ABCA7: variants seen among roughly 807,000 people sequenced by gnomAD.
The protein encoded by ABCA7 is phospholipid-transporting ATPase ABCA7.
ABCA7 carries 261 observed loss-of-function variants against 227.6 expected under a neutral mutation model. The observed-to-expected ratio is 1.15, with a 90% CI of 1.04 to 1.27. ABCA7 has a LOEUF of 1.27. Among genes scored for constraint, ABCA7 ranks in the 50% most tolerant of loss-of-function variants. ABCA7 has a pLI of 0.00. For synonymous variants in ABCA7, 1,488 were observed against 1,279.7 expected (o/e 1.16, Z -3.47); for missense variants, 3,331 against 2,924.5 (o/e 1.14, Z -3.21).
In ABCA7 at chr19:1,061,794, C is replaced by T; in HGVS notation, c.5476C>T (p.Leu1826=). ...GGCATCCCTGTAGTGTTTTGGGCTGCTGGGTGTGAATGGAGCAGGGAAGAC... is the reference window on the plus strand; with the variant it reads ...GGCATCCCTGTAGTGTTTTGGGCTGTTGGGTGTGAATGGAGCAGGGAAGAC... The part of the protein sequence containing the change: ...GIPPGECFGL[L]GVNGAGKTST... Residue 1826 remains leucine (L), a synonymous_variant, in exon 41 of 47, where the codon CTG becomes TTG. Coordinates refer to ENST00000263094, the MANE Select transcript of ABCA7 (RefSeq NM_019112.4). The T allele has an allele frequency of 6.2e-7, 1 of 1,612,688 alleles. No individual in the cohort carries two copies. The highest frequency in any genetic ancestry group is 8.5e-7 in the Non-Finnish European group (1 of 1,179,462).
Position 1,058,622 on chromosome 19 carries a change from C to CA in ABCA7, c.5155dup (p.Arg1719LysfsTer61). 6.2e-7 allele frequency: 1 copy of CA among 1,613,776 alleles called. No homozygotes were observed. Among genetic ancestry groups the CA allele is most frequent in the Non-Finnish European group, 8.5e-7 (1 of 1,179,970 alleles). On this transcript the variant is annotated frameshift_variant, in exon 38 of 47. Transcript: ENST00000263094. LOFTEE classifies it high-confidence loss of function. Reference sequence around the variant, plus strand: ...CCCTCCTTTCTATATCCACAGGAGACAGGCAGTTCCAGTCACCCCTGCGCT... The same window carrying CA: ...CCCTCCTTTCTATATCCACAGGAGACAAGGCAGTTCCAGTCACCCCTGCGCT...
rs377032659 is a variant in ABCA7 at position 1,043,324 on chromosome 19, C to T, written c.791-10C>T. 13 of 1,612,732 alleles carry T rather than the reference C, an allele frequency of 8.1e-6. No homozygotes were observed. Among genetic ancestry groups the T allele is most frequent in the African/African-American group, 2.7e-5 (2 of 74,858 alleles). On this transcript the variant is annotated splice_polypyrimidine_tract_variant and intron_variant, in intron 8 of 46. Transcript: ENST00000263094. ...CAGGGGGGCAGGGCCTCATGGCACC[C>T]CCATCCCAGGCCCCGCCTGCTCGGA...
Position 1,052,097 on chromosome 19 carries a change from GC to G in ABCA7, c.3121del (p.Arg1041AlafsTer4). On this transcript the variant is annotated frameshift_variant, in exon 22 of 47. Transcript: ENST00000263094. LOFTEE classifies it high-confidence loss of function. ...GSGYYLTLVKARLPLTTNEKA... is the reference protein window; with the variant it reads ...GSGYYLTLVKXRLPLTTNEKA... ...CGGCTACTACCTGACGCTGGTGAAG[GC>G]CCGCCTGCCCCTGACCACCAATGAG... The G allele has an allele frequency of 6.2e-7, 1 of 1,610,964 alleles. No individual in the cohort carries two copies. Among genetic ancestry groups the G allele is most frequent in the East Asian group, 2.2e-5 (1 of 44,738 alleles).
rs1221150509 is a variant in ABCA7 at position 1,061,895 on chromosome 19, G to A, written c.5570+7G>A. On this transcript the variant is annotated splice_region_variant and intron_variant, in intron 41 of 46. Transcript: ENST00000263094. Reference sequence around the variant, plus strand: ...CTGTGCTGGCAGGCCACAGGTGAGGGGTGCCAGGTAGGGTCAGGGTGGGGC... The same window carrying A: ...CTGTGCTGGCAGGCCACAGGTGAGGAGTGCCAGGTAGGGTCAGGGTGGGGC... 1 of 1,579,730 alleles carries A rather than the reference G, an allele frequency of 6.3e-7. No homozygotes were observed.
rs775554789 is a variant in ABCA7, at chr19:1,049,359, G to C, written c.2474G>C (p.Arg825Pro). The C allele has an allele frequency of 1.3e-5, 21 of 1,611,322 alleles. No homozygotes were observed. Among genetic ancestry groups the C allele is most frequent in the Admixed American group, 3.3e-5 (2 of 59,912 alleles). The change falls in exon 18 of 47, where the codon CGG (arginine) becomes CCG (proline). Residue 825 changes from arginine (R) to proline (P), a missense_variant. By Grantham distance (103) the Arg-to-Pro change is moderately radical. Coordinates refer to ENST00000263094, the MANE Select transcript of ABCA7 (RefSeq NM_019112.4). The part of the protein sequence containing the change: ...RFPGSPQPAL[R>P]GLSLDFYQGH... ...CCTGGAAGCCCGCAGCCAGCCCTGC[G>C]GGGGCTCAGCCTGGACTTCTACCAG...
Position 1,043,199 on chromosome 19 carries a change from G to A in ABCA7, c.738G>A (p.Leu246=), listed in dbSNP as rs754784100. ...PSLNWYEASD[L]MELVGQEPES... ...TCAACTGGTACGAGGCTAGTGACCT[G>A]ATGGAGCTGGTGGGGCAGGAGCCAG... The change falls in exon 8 of 47, where the codon CTG becomes CTA. Residue 246 remains leucine, a synonymous_variant. Transcript: ENST00000263094. 8 of 1,609,116 alleles carry A rather than the reference G, an allele frequency of 5.0e-6. No individual in the cohort carries two copies. In the African/African-American group the frequency reaches 9.3e-5, roughly 19 times the overall value.
chr19:1,043,559 G>A (rs545443027), intron 9 of ABCA7, 86 bp downstream of exon 9: 14 of 1,598,008 alleles, frequency 8.8e-6, no homozygotes, highest in East Asian at 4.5e-5. Flanking sequence ...GGGCCAGGCC[G>A]GAGGGTCACG....
chr19:1,059,112 C>G, intron 40 of ABCA7, 27 bp downstream of exon 40: 5 of 1,606,492 alleles, frequency 3.1e-6, no homozygotes, highest in Middle Eastern at 2.0e-4. Context: ...AGGCCAGGTG[C>G]AGGGACAGTG....
chr19:1,045,231 G>C lies in ABCA7; in HGVS notation c.1445G>C (p.Arg482Thr). 6 of 1,609,166 alleles carry C rather than the reference G, an allele frequency of 3.7e-6. No individual in the cohort carries two copies. The highest frequency in any genetic ancestry group is 5.1e-6 in the Non-Finnish European group (6 of 1,178,606). ...VVTRTNKIRD[R>T]FWDPGPAADP... ...ACGAGGACCAATAAGATCAGGGACAGGTCAGGCGAGGGAGGGGGCGGGGGG... is the reference window on the plus strand; with the variant it reads ...ACGAGGACCAATAAGATCAGGGACACGTCAGGCGAGGGAGGGGGCGGGGGG... Residue 482 changes from arginine to threonine, a missense_variant and splice_region_variant, in exon 12 of 47, where the codon AGG becomes ACG. By Grantham distance (71) the Arg-to-Thr change is moderately conservative (BLOSUM62 -1). Coordinates refer to ENST00000263094, the MANE Select transcript of ABCA7 (RefSeq NM_019112.4).
Position 1,055,318 on chromosome 19 carries a change from T to C in ABCA7, c.4172T>C (p.Leu1391Pro). 1 of 1,600,944 alleles carries C rather than the reference T, an allele frequency of 6.2e-7. No individual in the cohort carries two copies. Among genetic ancestry groups the C allele is most frequent in the Non-Finnish European group, 8.5e-7 (1 of 1,175,622 alleles). The change falls in exon 30 of 47, where the codon CTG becomes CCG. Residue 1391 changes from leucine to proline, a missense_variant. Leu to Pro is a moderately conservative substitution (Grantham distance 98). Coordinates refer to ENST00000263094, the MANE Select transcript of ABCA7 (RefSeq NM_019112.4). ...ACAGGCCGGAACCTGTCTGACTTCC[T>C]GGTCAAGACCTACCCGCGCCTGGTG... ...NLTGRNLSDFLVKTYPRLVRQ... is the reference protein window; with the variant it reads ...NLTGRNLSDFPVKTYPRLVRQ...
Position 1,042,060 on chromosome 19 carries a change from C to CCAG in ABCA7, c.303-3_303-1dup. ...CCCGCCTCCTGCCCTCTCTCTGTCC[C>CCAG]CAGGGTCTCCCGGCTGCTAGCCGAT... On this transcript the variant is annotated splice_region_variant and splice_polypyrimidine_tract_variant and intron_variant, in intron 4 of 46. Coordinates refer to ENST00000263094, the MANE Select transcript of ABCA7 (RefSeq NM_019112.4). 6.3e-7 allele frequency: 1 copy of CCAG among 1,591,174 alleles called. No homozygotes were observed. Among genetic ancestry groups the CCAG allele is most frequent in the Non-Finnish European group, 8.5e-7 (1 of 1,175,328 alleles).
chr19:1,043,447 C>T lies in ABCA7; in HGVS notation c.904C>T (p.Pro302Ser), dbSNP rs369264049. 6.2e-7 allele frequency: 1 copy of T among 1,613,364 alleles called. No individual in the cohort carries two copies. Among genetic ancestry groups the T allele is most frequent in the Non-Finnish European group, 8.5e-7 (1 of 1,180,026 alleles). Residue 302 changes from proline to serine, a missense_variant, in exon 9 of 47, where the codon CCT becomes TCT. Transcript: ENST00000263094. ...LGKLLFAPDTPFTRKLMAQVN... is the reference protein window; with the variant it reads ...LGKLLFAPDTSFTRKLMAQVN... ...GAAGCTACTCTTTGCACCAGATACA[C>T]CTTTTACCCGGAAGCTCATGGCCCA... is the stretch of plus-strand genomic sequence containing the variant.
At position 1,047,268 on chromosome 19, in the gene ABCA7, G is replaced by A. The variant is rs1210620933; in HGVS notation, c.1957G>A (p.Ala653Thr). 1.2e-6 allele frequency: 2 copies of A among 1,606,614 alleles called. No individual in the cohort carries two copies. The highest frequency in any genetic ancestry group is 2.2e-5 in the East Asian group (1 of 44,820). Residue 653 changes from alanine to threonine, a missense_variant, in exon 15 of 47, where the codon GCC becomes ACC. Transcript: ENST00000263094. ...SFLLSAFFSRANLAAACGGLA... is the reference protein window; with the variant it reads ...SFLLSAFFSRTNLAAACGGLA... ...CCTGCTCAGCGCCTTCTTCTCCCGC[G>A]CCAACCTGGCTGCGGCCTGCGGCGG... is the stretch of plus-strand genomic sequence containing the variant.
At position 1,055,941 on chromosome 19, in the gene ABCA7, T is replaced by C; in HGVS notation, c.4238+2T>C. ...TAAGAAGTGGGTGAATGAGGTCAGGTGAGGAGGGGTCTAGCTTGGGGTCCC... is the reference window on the plus strand; with the variant it reads ...TAAGAAGTGGGTGAATGAGGTCAGGCGAGGAGGGGTCTAGCTTGGGGTCCC... On this transcript the variant is annotated splice_donor_variant, in intron 31 of 46. Transcript: ENST00000263094. LOFTEE classifies it high-confidence loss of function. 1 of 1,592,074 alleles carries C rather than the reference T, an allele frequency of 6.3e-7. No individual in the cohort carries two copies. The highest frequency in any genetic ancestry group is 1.1e-5 in the South Asian group (1 of 87,906).
intron 6 of ABCA7, 158 bp downstream of exon 6, chr19:1,042,555 G>A: frequency 9.4e-7 from 1 of 1,058,920 alleles, no homozygotes; most frequent in Non-Finnish European, 1.4e-6. Flanking sequence ...CCCCCAGACA[G>A]AGTGTGTCTG....
rs746179458 is a variant in ABCA7 at position 1,044,647 on chromosome 19, T to A, written c.1118T>A (p.Leu373Gln). Residue 373 changes from leucine to glutamine, a missense_variant, in exon 11 of 47, where the codon CTG (leucine) becomes CAG (glutamine). Transcript: ENST00000263094. ...GGAGGCCGGGACCACATGGAGGCCC[T>A]GCGATCCTTTCTGGACCCTGGGAGC... is the stretch of plus-strand genomic sequence containing the variant. Reference protein sequence around the residue: ...RPGGRDHMEALRSFLDPGSGG... With the variant: ...RPGGRDHMEAQRSFLDPGSGG... 3 of 1,613,202 alleles carry A rather than the reference T, an allele frequency of 1.9e-6. No homozygotes were observed. The East Asian group carries it at 6.7e-5, about 36-fold the overall frequency.
In ABCA7 at chr19:1,052,123, G is replaced by C; in HGVS notation, c.3144G>C (p.Glu1048Asp). ...CCCGCCTGCCCCTGACCACCAATGA[G>C]AAGGTGGGGACCGGCCTTCTCCTGA... ...VKARLPLTTNEKADTDMEGSV... is the reference protein window; with the variant it reads ...VKARLPLTTNDKADTDMEGSV... Residue 1048 changes from glutamate (E) to aspartate (D), a missense_variant, in exon 22 of 47, where the codon GAG becomes GAC. By Grantham distance (45) the Glu-to-Asp change is conservative. Transcript: ENST00000263094. 1 of 1,612,112 alleles carries C rather than the reference G, an allele frequency of 6.2e-7. No homozygotes were observed. Among genetic ancestry groups the C allele is most frequent in the Non-Finnish European group, 8.5e-7 (1 of 1,179,768 alleles).
In ABCA7 at chr19:1,060,636, C is replaced by T. The variant is rs528916585; in HGVS notation, c.5464-1146C>T. Reference sequence around the variant, plus strand: ...CCAGGTTCAGGCGATTCTCCTGCCTCAGCCTCCTGAGTAGCTGGGATTACA... The same window carrying T: ...CCAGGTTCAGGCGATTCTCCTGCCTTAGCCTCCTGAGTAGCTGGGATTACA... On this transcript the variant is annotated intron_variant, in intron 40 of 46. Transcript: ENST00000263094. 7.3e-4 allele frequency among the ~76,000 whole-genome samples: 111 copies of T among 151,982 alleles called. 1 individual carries two copies. Among genetic ancestry groups the T allele is most frequent in the African/African-American group, 2.6e-3 (108 of 41,394 alleles).
rs1027358629 is a variant in ABCA7 at position 1,055,301 on chromosome 19, G to A, written c.4155G>A (p.Arg1385=). The part of the protein sequence containing the change: ...SGEVVQNLTG[R]NLSDFLVKTY... ...AAGTGGTTCAGAACCTGACAGGCCG[G>A]AACCTGTCTGACTTCCTGGTCAAGA... is the stretch of plus-strand genomic sequence containing the variant. Residue 1385 remains arginine, a synonymous_variant, in exon 30 of 47, where the codon CGG becomes CGA. Transcript: ENST00000263094. 5.0e-6 allele frequency: 8 copies of A among 1,604,110 alleles called. No homozygotes were observed. The Admixed American group carries it at 8.4e-5, about 17-fold the overall frequency.
Sources: allele counts gnomAD v4.1 joint callset (sites outside exome capture counted in the v4.1 genomes callset), GRCh38; gene constraint gnomAD v4.1.1; transcripts MANE v1.5; gene names NCBI Gene and HGNC (gene_info 2026-07-23, HGNC 2026-07-21).